The following LRRC37A2 variants were observed in gnomAD, a reference collection of about 807,000 sequenced individuals.
LRRC37A2 encodes leucine rich repeat containing 37 member A2.
Under a neutral mutation model 68.8 loss-of-function variants are expected in LRRC37A2, and 9 were observed. The ratio of observed to expected loss-of-function variants is 0.13; its 90% CI spans 0.08 to 0.23. The LOEUF (loss-of-function observed/expected upper bound fraction) is 0.23, where lower values mean the gene tolerates loss of function less well. LRRC37A2 is among the 10% of genes least tolerant of loss of function. LRRC37A2 has a pLI of 1.00. For missense variants in LRRC37A2, 168 were observed against 950.4 expected, an observed-to-expected ratio of 0.18 and a Z score of 10.82; for synonymous variants, 63 against 367.6, an observed-to-expected ratio of 0.17 and a Z score of 9.48.
At chr17:46,878,227 C>T in the LRRC37A2 span, among the ~76,000 whole-genome samples, 1 of 152,258 alleles carries the variant, frequency 6.6e-6, no homozygotes, top group Admixed American at 6.5e-5. Context: ...CCTGCCACGC[C>T]CATCTGTCAG....
At chr17:46,794,079 G>A in the LRRC37A2 span, among the ~76,000 whole-genome samples, 1 of 152,176 alleles carries the variant, frequency 6.6e-6, no homozygotes, top group Non-Finnish European at 1.5e-5. Context: ...AACAGCAGGA[G>A]GTTAGCAAGG....
At chr17:47,038,446 T>A in the LRRC37A2 span, among the ~76,000 whole-genome samples, 2 of 151,924 alleles carry the variant, frequency 1.3e-5, no homozygotes, top group African/African-American at 4.8e-5. Flanking sequence ...TGAGACCCTA[T>A]CTCTAAAAAT....
At chr17:46,922,129 T>C in the LRRC37A2 span, among the ~76,000 whole-genome samples, 10 of 152,198 alleles carry the variant, frequency 6.6e-5, no homozygotes, top group African/African-American at 2.4e-4. Flanking sequence ...GTGGCATATA[T>C]ACACCATGGA....
chr17:46,985,828 C>G, the LRRC37A2 span, among the ~76,000 whole-genome samples: 1 of 152,204 alleles, frequency 6.6e-6, no homozygotes. Context: ...TTTACAAGAA[C>G]AGGTAGTGGG....
At chr17:46,858,697 A>G in the LRRC37A2 span, among the ~76,000 whole-genome samples, 1 of 152,114 alleles carries the variant, frequency 6.6e-6, no homozygotes, top group Non-Finnish European at 1.5e-5. Context: ...ATGGGTGTAA[A>G]TAGTTCTCAC....
At chr17:47,038,402 G>A in the LRRC37A2 span, among the ~76,000 whole-genome samples, 1 of 151,640 alleles carries the variant, frequency 6.6e-6, no homozygotes, top group Non-Finnish European at 1.5e-5. Flanking sequence ...GATTGCTTGA[G>A]GCCAGGAGTT....
chr17:46,715,266 C>G, the LRRC37A2 span, among the ~76,000 whole-genome samples: 22,863 of 152,156 alleles, frequency 0.15, 3,401 homozygotes, highest in East Asian at 0.61. Flanking sequence ...CCAATAGTAT[C>G]TGTCCTTCCC....
the LRRC37A2 span, among the ~76,000 whole-genome samples, chr17:46,502,276 C>T: frequency 6.6e-6 from 1 of 151,068 alleles, no homozygotes; most frequent in Non-Finnish European, 1.5e-5. Flanking sequence ...TGGGTTACTA[C>T]TTGACCCCCA....
At chr17:46,790,162 G>A in the LRRC37A2 span, among the ~76,000 whole-genome samples, 1 of 152,230 alleles carries the variant, frequency 6.6e-6, no homozygotes, top group South Asian at 2.1e-4. Flanking sequence ...ATCAGTCCCT[G>A]CCACCCATTC....
the LRRC37A2 span, among the ~76,000 whole-genome samples, chr17:46,478,468 TTTTCACATTTTCCC>T: frequency 1.2e-5 from 1 of 81,026 alleles, no homozygotes; most frequent in Non-Finnish European, 3.0e-5. Flanking sequence ...TCCTCACACC[TTTTCACATTTTCCC>T]TTTCAAGAAT....
the LRRC37A2 span, among the ~76,000 whole-genome samples, chr17:46,495,278 G>C: frequency 3.5e-5 from 5 of 143,718 alleles, 1 homozygote; most frequent in African/African-American, 1.4e-4. Context: ...TCACTATACT[G>C]CCCAGGCTGG....
At chr17:46,878,914 T>C in the LRRC37A2 span, among the ~76,000 whole-genome samples, 1 of 152,036 alleles carries the variant, frequency 6.6e-6, no homozygotes, top group Non-Finnish European at 1.5e-5. Context: ...GCTTGTGGGG[T>C]CTTCTCTGTC....
the LRRC37A2 span, among the ~76,000 whole-genome samples, chr17:46,745,314 A>G: frequency 2.6e-5 from 4 of 152,230 alleles, no homozygotes; most frequent in African/African-American, 9.6e-5. Flanking sequence ...GCACAATTTA[A>G]TAATTTGGTA....
the LRRC37A2 span, chr17:46,939,147 C>T: frequency 8.0e-5 from 89 of 1,116,808 alleles, no homozygotes; most frequent in Admixed American, 1.9e-3. Flanking sequence ...ACCATCAGGC[C>T]TTTCTGGCTC....
At chr17:46,901,157 T>A in the LRRC37A2 span, among the ~76,000 whole-genome samples, 2 of 151,950 alleles carry the variant, frequency 1.3e-5, no homozygotes, top group African/African-American at 4.8e-5. Context: ...TTATTTATTT[T>A]TATTTTATTA....
chr17:47,003,014 A>G, the LRRC37A2 span, among the ~76,000 whole-genome samples: 139,496 of 152,054 alleles, frequency 0.92, 64,346 homozygotes, highest in East Asian at 0.99. Context: ...CACCAAGGCA[A>G]GTGGATCACT....
chr17:46,500,814 A>T, the LRRC37A2 span, among the ~76,000 whole-genome samples: 1 of 151,124 alleles, frequency 6.6e-6, no homozygotes, highest in Non-Finnish European at 1.5e-5. Context: ...AGGGGAAATA[A>T]CCTATCAGAT....
chr17:47,001,987 C>T, the LRRC37A2 span, among the ~76,000 whole-genome samples: 3 of 152,152 alleles, frequency 2.0e-5, no homozygotes, highest in Admixed American at 6.5e-5. Context: ...GATCCGCCCA[C>T]CTCGGCCCCC....
chr17:46,814,306 C>T, the LRRC37A2 span, among the ~76,000 whole-genome samples: 1 of 152,242 alleles, frequency 6.6e-6, no homozygotes, highest in African/African-American at 2.4e-5. Context: ...CATAACTCAG[C>T]TCAGGCTCTT....
Sources: gnomAD v4.1 joint callset for allele counts (sites outside exome capture counted in the v4.1 genomes callset) on GRCh38, gnomAD v4.1.1 for gene constraint, MANE v1.5 for transcripts, NCBI Gene and HGNC (gene_info 2026-07-23, HGNC 2026-07-21) for gene names.